The following CRPPA variants were observed in gnomAD, a reference collection of about 807,000 sequenced individuals.
CRPPA encodes the protein CDP-L-ribitol pyrophosphorylase A.
CRPPA carries 43 observed loss-of-function variants against 52.0 expected under a neutral mutation model. The observed-to-expected ratio is 0.83, with a 90% confidence interval of 0.65 to 1.07. The LOEUF (loss-of-function observed/expected upper bound fraction) is 1.07. Among genes scored for constraint, CRPPA ranks in the 50% least tolerant of loss-of-function variants. CRPPA has a pLI of 0.00. For missense variants in CRPPA, 629 were observed against 551.7 expected, an observed-to-expected ratio of 1.14 and a Z score of -1.40; for synonymous variants, 250 against 203.5, an observed-to-expected ratio of 1.23 and a Z score of -1.94.
intron 9 of CRPPA, among the ~76,000 whole-genome samples, chr7:16,197,972 A>ATC (rs1468110066): frequency 1.4e-5 from 2 of 138,874 alleles, no homozygotes; most frequent in Non-Finnish European, 3.0e-5. Flanking sequence ...CTTAAGAGTC[A>ATC]TCACCACTCC....
intron 3 of CRPPA, among the ~76,000 whole-genome samples, chr7:16,315,730 G>T (rs1020338101): frequency 4.6e-5 from 7 of 152,168 alleles, no homozygotes; most frequent in African/African-American, 1.7e-4. Flanking sequence ...AGACTGTGGG[G>T]GCTCCCCTTT....
intron 9 of CRPPA, among the ~76,000 whole-genome samples, chr7:16,161,407 T>C (rs796656102): frequency 2.6e-5 from 4 of 152,372 alleles, no homozygotes; most frequent in African/African-American, 7.2e-5. Context: ...GTGTTGAATT[T>C]TGTCGAAGGC....
At chr7:16,311,640 G>C (rs954359650) in intron 3 of CRPPA, among the ~76,000 whole-genome samples, 18 of 152,170 alleles carry the variant, frequency 1.2e-4, no homozygotes, top group Admixed American at 3.3e-4. Context: ...TTCACGTGCA[G>C]GGTTTTAATG....
intron 2 of CRPPA, among the ~76,000 whole-genome samples, chr7:16,390,680 G>A (rs963989866): frequency 2.6e-5 from 4 of 151,982 alleles, no homozygotes; most frequent in Non-Finnish European, 4.4e-5. Flanking sequence ...CATTTTAATC[G>A]AGCTTGAGCA....
chr7:16,391,105 A>G (rs2128314858), intron 2 of CRPPA, among the ~76,000 whole-genome samples: 1 of 152,294 alleles, frequency 6.6e-6, no homozygotes, highest in Non-Finnish European at 1.5e-5. Flanking sequence ...ATGCCTGTTT[A>G]ACATTTCCAC....
chr7:16,298,999 G>T (rs760511984), intron 5 of CRPPA, among the ~76,000 whole-genome samples: 1 of 152,212 alleles, frequency 6.6e-6, no homozygotes, highest in African/African-American at 2.4e-5. Context: ...ACAGCTGGCA[G>T]ATCGTGGGAC....
Position 16,245,555 on chromosome 7 carries a change from T to A in CRPPA, c.1119+12835A>T, listed in dbSNP as rs374603782. On this transcript the variant is annotated intron_variant, in intron 8 of 9. Coordinates refer to ENST00000407010, the MANE Select transcript of CRPPA (RefSeq NM_001101426.4). ...GCATTACTTACTGTACCCTTTCTAG[T>A]GATTTGCTCCATCCTATGGATACAG... Among the ~76,000 whole-genome samples, 8 of 152,336 alleles carry A rather than the reference T, an allele frequency of 5.3e-5. No individual in the cohort carries two copies. In the South Asian group the frequency reaches 1.7e-3, roughly 32 times the overall value.
intron 3 of CRPPA, among the ~76,000 whole-genome samples, chr7:16,335,224 A>G (rs367980594): frequency 1.9e-4 from 29 of 151,058 alleles, no homozygotes; most frequent in African/African-American, 7.0e-4. Context: ...GGTATGCACT[A>G]TGGTCCCAGC....
intron 8 of CRPPA, among the ~76,000 whole-genome samples, chr7:16,254,214 T>G (rs1247299927): frequency 2.0e-5 from 3 of 152,118 alleles, no homozygotes; most frequent in Non-Finnish European, 4.4e-5. Flanking sequence ...GAAATACCAT[T>G]TAACCCAGAG....
intron 9 of CRPPA, among the ~76,000 whole-genome samples, chr7:16,145,591 A>G (rs946236903): frequency 6.6e-6 from 1 of 152,070 alleles, no homozygotes; most frequent in Non-Finnish European, 1.5e-5. Context: ...AAAACTAGGA[A>G]AACAAGATAT....
chr7:16,099,161 G>A (rs1257074472), intron 9 of CRPPA, among the ~76,000 whole-genome samples: 1 of 151,770 alleles, frequency 6.6e-6, no homozygotes, highest in Non-Finnish European at 1.5e-5. Flanking sequence ...GCTGAGTGGG[G>A]AGGATCACTT....
intron 2 of CRPPA, among the ~76,000 whole-genome samples, chr7:16,397,553 G>C (rs1162174019): frequency 6.6e-6 from 1 of 151,984 alleles, no homozygotes; most frequent in East Asian, 1.9e-4. Context: ...TTGACGAAAT[G>C]TGATGTGACC....
intron 3 of CRPPA, among the ~76,000 whole-genome samples, chr7:16,325,041 T>A (rs767969049): frequency 6.6e-6 from 1 of 152,222 alleles, no homozygotes; most frequent in South Asian, 2.1e-4. Flanking sequence ...AGACTTATTC[T>A]GAAAGCAGCA....
At chr7:16,248,739 C>A (rs1319744613) in intron 8 of CRPPA, among the ~76,000 whole-genome samples, 2 of 152,076 alleles carry the variant, frequency 1.3e-5, no homozygotes, top group East Asian at 3.9e-4. Context: ...CCACAGAGGG[C>A]GAGCTGAAGA....
chr7:16,369,265 G>T (rs1786686481), intron 3 of CRPPA, among the ~76,000 whole-genome samples: 1 of 152,212 alleles, frequency 6.6e-6, no homozygotes, highest in African/African-American at 2.4e-5. Flanking sequence ...ACTGATTTGA[G>T]CAAGCAGGGG....
At chr7:16,395,065 A>C (rs1166615182) in intron 2 of CRPPA, among the ~76,000 whole-genome samples, 1 of 152,196 alleles carries the variant, frequency 6.6e-6, no homozygotes, top group Non-Finnish European at 1.5e-5. Flanking sequence ...AGTGGCCTGC[A>C]AGGCACATCT....
At chr7:16,366,298 C>T (rs117090064) in intron 3 of CRPPA, among the ~76,000 whole-genome samples, 3,393 of 152,222 alleles carry the variant, frequency 0.022, 68 homozygotes, top group Non-Finnish European at 0.033. Context: ...GAAACACAGA[C>T]GTTCAGACCA....
intron 2 of CRPPA, among the ~76,000 whole-genome samples, chr7:16,376,815 A>T (rs970465281): frequency 2.0e-5 from 3 of 152,214 alleles, no homozygotes; most frequent in African/African-American, 7.2e-5. Flanking sequence ...TTCAATTGCT[A>T]TGATGAAAGT....
intron 5 of CRPPA, among the ~76,000 whole-genome samples, chr7:16,291,587 T>G (rs2107590): frequency 0.8 from 121,707 of 151,836 alleles, 49,449 homozygotes; most frequent in African/African-American, 0.93. Context: ...AGCTGGGAAG[T>G]GTAGTGGAGA....
Sources: gnomAD v4.1 joint callset for allele counts (sites outside exome capture counted in the v4.1 genomes callset) on GRCh38, gnomAD v4.1.1 for gene constraint, MANE v1.5 for transcripts, NCBI Gene and HGNC (gene_info 2026-07-23, HGNC 2026-07-21) for gene names.